The following MYT1L variants were observed in gnomAD, a reference collection of about 807,000 sequenced individuals.
The protein encoded by MYT1L is myelin transcription factor 1 like.
MYT1L carries 12 observed loss-of-function variants against 126.7 expected under a neutral mutation model. That is an observed-to-expected ratio of 0.09 (90% confidence interval 0.06 to 0.15). MYT1L has a LOEUF of 0.15. Among genes scored for constraint, MYT1L ranks in the 10% least tolerant of loss-of-function variants. The pLI is 1.00. For synonymous variants in MYT1L, 541 were observed against 604.2 expected (o/e 0.90, Z 1.53); for missense variants, 979 against 1,585.2 (o/e 0.62, Z 6.49).
Position 1,844,164 on chromosome 2 carries a change from G to T in MYT1L, c.2775-3321C>A, listed in dbSNP as rs369064368. On this transcript the variant is annotated intron_variant, in intron 19 of 24. Transcript: ENST00000647738. The stretch of plus-strand genomic sequence containing the variant: ...CACGGGGTCCTCTCTTCCACACGCC[G>T]TAGCCCAGGGCCTCTGTTCCATCCC... 1.5e-3 allele frequency among the ~76,000 whole-genome samples: 222 copies of T among 152,208 alleles called. 3 individuals carry two copies. Among genetic ancestry groups the T allele is most frequent in the African/African-American group, 5.1e-3 (212 of 41,542 alleles).
chr2:2,207,917 C>G (rs969701851), intron 2 of MYT1L, among the ~76,000 whole-genome samples: 1 of 152,194 alleles, frequency 6.6e-6, no homozygotes, highest in Non-Finnish European at 1.5e-5. Context: ...GCCCTGCCCA[C>G]CCCGAAGCAC....
intron 2 of MYT1L, among the ~76,000 whole-genome samples, chr2:2,251,347 A>C (rs1248224101): frequency 6.6e-6 from 1 of 152,230 alleles, no homozygotes; most frequent in Non-Finnish European, 1.5e-5. Flanking sequence ...GCTGCAGCCC[A>C]GGCTTCACTC....
chr2:1,915,404 C>T (rs940775765), intron 11 of MYT1L, among the ~76,000 whole-genome samples: 8 of 152,098 alleles, frequency 5.3e-5, no homozygotes, highest in Admixed American at 3.3e-4. Context: ...CACCTGCAGC[C>T]GGCGCGAAGG....
chr2:2,034,028 T>C (rs1439178848), intron 4 of MYT1L, among the ~76,000 whole-genome samples: 1 of 152,116 alleles, frequency 6.6e-6, no homozygotes, highest in Admixed American at 6.5e-5. Context: ...GGGTGGGAGT[T>C]AGGGGCCTGG....
rs2060453015 is a variant in MYT1L, at chr2:1,979,668, G to A, written c.55+55C>T. On this transcript the variant is annotated intron_variant, in intron 6 of 24. Coordinates refer to ENST00000647738, the MANE Select transcript of MYT1L (RefSeq NM_001303052.2). The surrounding 1 kb of genome is among the most constrained non-coding windows in gnomAD (Gnocchi z 4.0). ...TGGGGTCAGAATCGACCTCAGTTCCGCAGGATGAAGGTGACCCTGAGCCGG... is the reference window on the plus strand; with the variant it reads ...TGGGGTCAGAATCGACCTCAGTTCCACAGGATGAAGGTGACCCTGAGCCGG... 23 of 1,609,196 alleles carry A rather than the reference G, an allele frequency of 1.4e-5. No homozygotes were observed. Among genetic ancestry groups the A allele is most frequent in the South Asian group, 2.2e-5 (2 of 90,940 alleles).
intron 8 of MYT1L, among the ~76,000 whole-genome samples, chr2:1,948,898 ATC>A (rs962689247): frequency 1.3e-5 from 2 of 152,218 alleles, no homozygotes; most frequent in African/African-American, 4.8e-5. Flanking sequence ...CTAGATTTAT[ATC>A]TCTTTTTATG....
In MYT1L at chr2:2,306,533, G is replaced by A. The variant is rs117088118; in HGVS notation, c.-520-22030C>T. Among the ~76,000 whole-genome samples, 582 of 152,154 alleles carry A rather than the reference G, an allele frequency of 3.8e-3. 24 individuals carry two copies. In the East Asian group the frequency reaches 0.081, roughly 21 times the overall value. On this transcript the variant is annotated intron_variant, in intron 1 of 24. Transcript: ENST00000647738. The stretch of plus-strand genomic sequence containing the variant: ...GTCACATGCACTCATGTGTCCTAAG[G>A]GCCTTGGGAATATCTTTCCATGCAA...
intron 3 of MYT1L, among the ~76,000 whole-genome samples, chr2:2,158,325 A>G (rs1156386783): frequency 2.0e-5 from 3 of 152,186 alleles, no homozygotes; most frequent in African/African-American, 7.2e-5. Context: ...TCTGCAAGGA[A>G]AGGTTTGGCA....
chr2:2,140,949 T>A (rs967900622), intron 3 of MYT1L, among the ~76,000 whole-genome samples: 25 of 152,240 alleles, frequency 1.6e-4, no homozygotes, highest in Admixed American at 5.9e-4. Flanking sequence ...TACTTTTTTT[T>A]AAATTAACCC....
intron 3 of MYT1L, among the ~76,000 whole-genome samples, chr2:2,170,875 G>A (rs988682921): frequency 6.6e-6 from 1 of 152,228 alleles, no homozygotes; most frequent in Non-Finnish European, 1.5e-5. Flanking sequence ...CCCCGAAAGT[G>A]AGAAATGATT....
chr2:1,964,706 A>T (rs2059207154), intron 8 of MYT1L, among the ~76,000 whole-genome samples: 1 of 152,220 alleles, frequency 6.6e-6, no homozygotes, highest in Non-Finnish European at 1.5e-5. Context: ...AGGACCTAAG[A>T]ATAATATAAA....
chr2:2,064,551 G>T (rs1366953752), intron 3 of MYT1L, among the ~76,000 whole-genome samples: 1 of 152,162 alleles, frequency 6.6e-6, no homozygotes, highest in East Asian at 1.9e-4. Context: ...AAGTATCTGT[G>T]TACAGAGAGG....
Position 1,811,220 on chromosome 2 carries a change from G to T in MYT1L, c.3081-2053C>A, listed in dbSNP as rs1232806939. On this transcript the variant is annotated intron_variant, in intron 21 of 24. Coordinates refer to ENST00000647738, the MANE Select transcript of MYT1L (RefSeq NM_001303052.2). The surrounding 1 kb of genome is among the most constrained non-coding windows in gnomAD (Gnocchi z 4.4). ...TGCCCAAGGTATGGTATTTGTTTTT[G>T]CAGCCCTGGAACGTCTAAGACAATC... The T allele has an allele frequency of 6.6e-6, 1 of 152,184 alleles. No individual in the cohort carries two copies. The highest frequency in any genetic ancestry group is 1.5e-5 in the Non-Finnish European group (1 of 68,028). 9.4% of individuals were successfully genotyped at this position (152,184 alleles called of 1,614,324 possible).
At chr2:2,103,295 C>G (rs984038396) in intron 3 of MYT1L, among the ~76,000 whole-genome samples, 4 of 152,218 alleles carry the variant, frequency 2.6e-5, no homozygotes, top group Admixed American at 2.6e-4. Context: ...GTTATCCCAG[C>G]CTTTGCCAGG....
intron 18 of MYT1L, among the ~76,000 whole-genome samples, chr2:1,862,268 T>TA (rs11448419): frequency 0.4 from 60,952 of 151,714 alleles, 14,762 homozygotes; most frequent in African/African-American, 0.67. Flanking sequence ...AAGAGGTTTT[T>TA]AAAAAAAAAT....
chr2:1,840,713 C>T, intron 20 of MYT1L, 47 bp downstream of exon 20: 2 of 1,385,652 alleles, frequency 1.4e-6, no homozygotes, highest in Non-Finnish European at 2.0e-6. Context: ...TGCCTCGTCC[C>T]CACATGGCAG....
intron 8 of MYT1L, among the ~76,000 whole-genome samples, chr2:1,970,566 A>G (rs1466457476): frequency 6.6e-6 from 1 of 152,190 alleles, no homozygotes; most frequent in Non-Finnish European, 1.5e-5. Flanking sequence ...CAGAGGCTCC[A>G]GGCACACAGG....
intron 4 of MYT1L, among the ~76,000 whole-genome samples, chr2:2,029,575 G>A (rs1223975987): frequency 6.6e-6 from 1 of 152,198 alleles, no homozygotes; most frequent in Non-Finnish European, 1.5e-5. Flanking sequence ...AATTTAAGGT[G>A]AGACTTGGGT....
intron 5 of MYT1L, among the ~76,000 whole-genome samples, chr2:1,980,903 G>C (rs892527040): frequency 1.3e-5 from 2 of 152,186 alleles, no homozygotes; most frequent in African/African-American, 4.8e-5. Flanking sequence ...GAAGAGATGA[G>C]CAATAGAAGC....
Sources: gnomAD v4.1 joint callset for allele counts (sites outside exome capture counted in the v4.1 genomes callset) on GRCh38, gnomAD v4.1.1 for gene constraint, Gnocchi (gnomAD v3.1) non-coding constraint, MANE v1.5 for transcripts, NCBI Gene and HGNC (gene_info 2026-07-23, HGNC 2026-07-21) for gene names.